MAD1L1: variants seen among roughly 807,000 people sequenced by gnomAD.
MAD1L1 encodes the protein mitotic spindle assembly checkpoint protein MAD1.
MAD1L1 carries 95 observed loss-of-function variants against 96.9 expected under a neutral mutation model. The ratio of observed to expected loss-of-function variants is 0.98; its 90% CI spans 0.83 to 1.16. The LOEUF (loss-of-function observed/expected upper bound fraction) is 1.16, where lower values mean the gene tolerates loss of function less well. Among genes scored for constraint, MAD1L1 ranks in the 50% most tolerant of loss-of-function variants. MAD1L1 has a pLI of 0.00. For synonymous variants in MAD1L1, 473 were observed against 396.6 expected (o/e 1.19, Z -2.29); for missense variants, 1,007 against 954.4 (o/e 1.06, Z -0.73).
intron 11 of MAD1L1, among the ~76,000 whole-genome samples, chr7:2,130,979 C>T (rs185429884): frequency 2.0e-4 from 31 of 152,304 alleles, no homozygotes; most frequent in African/African-American, 7.0e-4. Flanking sequence ...ATGAATGATC[C>T]GGAACTTCCA....
In MAD1L1 at chr7:2,172,446, C is replaced by T. The variant is rs574755206; in HGVS notation, c.987-23208G>A. ...GCAGCAGGAAGTCACGGTGCCGCTG[C>T]GAAAGGCCCCGGGTCTCCAGAGAAC... On this transcript the variant is annotated intron_variant, in intron 10 of 18. Coordinates refer to ENST00000265854, the MANE Select transcript of MAD1L1 (RefSeq NM_001013836.2). Among the ~76,000 whole-genome samples the T allele has an allele frequency of 8.6e-4, 131 of 152,308 alleles. 1 individual carries two copies. The highest frequency in any genetic ancestry group is 2.9e-3 in the African/African-American group (121 of 41,566).
chr7:1,874,700 G>A (rs897813236), intron 18 of MAD1L1, among the ~76,000 whole-genome samples: 2 of 152,238 alleles, frequency 1.3e-5, no homozygotes, highest in East Asian at 1.9e-4. Flanking sequence ...CTCGATTGGG[G>A]CCTTGTGTGG....
chr7:2,168,624 A>C (rs936056656), intron 10 of MAD1L1, among the ~76,000 whole-genome samples: 4 of 152,246 alleles, frequency 2.6e-5, no homozygotes, highest in African/African-American at 7.2e-5. Context: ...TCCTTCAGCA[A>C]ACAAAAATCG....
intron 18 of MAD1L1, among the ~76,000 whole-genome samples, chr7:1,828,164 C>G (rs1583487244): frequency 6.6e-6 from 1 of 152,118 alleles, no homozygotes; most frequent in Non-Finnish European, 1.5e-5. Flanking sequence ...CCGGCCGAGA[C>G]AGAGCCACAA....
At chr7:1,994,025 G>A (rs1457480946) in intron 14 of MAD1L1, among the ~76,000 whole-genome samples, 1 of 152,262 alleles carries the variant, frequency 6.6e-6, no homozygotes, top group Non-Finnish European at 1.5e-5. Flanking sequence ...GAACCCTGGA[G>A]CACTCTCCAC....
chr7:1,958,084 G>C (rs1220044058), intron 15 of MAD1L1, among the ~76,000 whole-genome samples: 1 of 152,224 alleles, frequency 6.6e-6, no homozygotes. Flanking sequence ...ATGGCGGAGT[G>C]CAGGGGACAC....
intron 11 of MAD1L1, among the ~76,000 whole-genome samples, chr7:2,110,742 T>A (rs55675295): frequency 0.027 from 4,129 of 152,316 alleles, 97 homozygotes; most frequent in South Asian, 0.09. Flanking sequence ...TAATAAAAGC[T>A]ACTTCTATAC....
In MAD1L1 at chr7:2,172,792, G is replaced by T. The variant is rs1179203236; in HGVS notation, c.987-23554C>A. Among the ~76,000 whole-genome samples, 6 of 152,350 alleles carry T rather than the reference G, an allele frequency of 3.9e-5. No individual in the cohort carries two copies. The East Asian group carries it at 1.2e-3, about 29-fold the overall frequency. On this transcript the variant is annotated intron_variant, in intron 10 of 18. Transcript: ENST00000265854. Reference sequence around the variant, plus strand: ...CAGTCCCATCCCAGCCCTGCTGGCTGCCAGGTCAAGGCTGGAGCCCCAGAT... The same window carrying T: ...CAGTCCCATCCCAGCCCTGCTGGCTTCCAGGTCAAGGCTGGAGCCCCAGAT...
intron 10 of MAD1L1, among the ~76,000 whole-genome samples, chr7:2,173,582 G>A (rs185941675): frequency 6.6e-5 from 10 of 152,238 alleles, no homozygotes; most frequent in East Asian, 3.9e-4. Flanking sequence ...ACCCGGCATC[G>A]GGCTGCCTGG....
rs973785670 is a variant in MAD1L1 at position 1,968,817 on chromosome 7, G to A, written c.1506-11098C>T. On this transcript the variant is annotated intron_variant, in intron 15 of 18. Transcript: ENST00000265854. This position sits in a 1 kb window ranked among gnomAD's most constrained non-coding sequence, Gnocchi z 5.6. ...TAAACATACTGAGGTCAGGAGAAGCGAGGAAAGACAAAACTGTCACCGACC... is the reference window on the plus strand; with the variant it reads ...TAAACATACTGAGGTCAGGAGAAGCAAGGAAAGACAAAACTGTCACCGACC... 8.5e-5 allele frequency among the ~76,000 whole-genome samples: 13 copies of A among 152,242 alleles called. No homozygotes were observed. Among genetic ancestry groups the A allele is most frequent in the African/African-American group, 1.7e-4 (7 of 41,464 alleles).
chr7:1,890,186 C>G (rs375617290), intron 18 of MAD1L1, among the ~76,000 whole-genome samples: 14 of 152,352 alleles, frequency 9.2e-5, no homozygotes, highest in African/African-American at 3.4e-4. Context: ...CACCCCAGGA[C>G]CACGTGTTCT....
At position 2,100,165 on chromosome 7, in the gene MAD1L1, C is replaced by T. The variant is rs146564348; in HGVS notation, c.1074-30827G>A. ...GAGACAGGTGCACACTGCTTTACGA[C>T]GGCCAGCGCAGTCAGCTGCAAGTAC... On this transcript the variant is annotated intron_variant, in intron 11 of 18. Transcript: ENST00000265854. Among the ~76,000 whole-genome samples, 496 of 152,336 alleles carry T rather than the reference C, an allele frequency of 3.3e-3. 5 individuals are homozygous for T. The highest frequency in any genetic ancestry group is 0.011 in the African/African-American group (474 of 41,576).
intron 16 of MAD1L1, among the ~76,000 whole-genome samples, chr7:1,940,741 A>G (rs1210604408): frequency 6.6e-6 from 1 of 152,206 alleles, no homozygotes; most frequent in Non-Finnish European, 1.5e-5. Context: ...CACGAATCTG[A>G]ATTTCAGATA....
intron 12 of MAD1L1, among the ~76,000 whole-genome samples, chr7:2,046,267 A>G (rs1256481755): frequency 3.3e-5 from 5 of 152,176 alleles, no homozygotes. Context: ...GCTGGACGGC[A>G]GCGCAGGCAA....
At position 2,049,171 on chromosome 7, in the gene MAD1L1, A is replaced by G. The variant is rs182571106; in HGVS notation, c.1218+20023T>C. Among the ~76,000 whole-genome samples, 13 of 152,350 alleles carry G rather than the reference A, an allele frequency of 8.5e-5. No individual in the cohort carries two copies. In the East Asian group the frequency reaches 2.3e-3, roughly 27 times the overall value. ...GCGTGCATGCTTCATTCTTCCAGAG[A>G]GGAAGCAAAGGCAAAGAGAGGGAAA... On this transcript the variant is annotated intron_variant, in intron 12 of 18. Transcript: ENST00000265854.
chr7:2,188,714 TA>T (rs1191722852), intron 10 of MAD1L1, among the ~76,000 whole-genome samples: 2 of 151,932 alleles, frequency 1.3e-5, no homozygotes, highest in East Asian at 3.9e-4. Context: ...ATGTAAGACC[TA>T]AAACTATAAA....
At chr7:2,025,676 A>G (rs1315729266) in intron 12 of MAD1L1, among the ~76,000 whole-genome samples, 1 of 152,260 alleles carries the variant, frequency 6.6e-6, no homozygotes, top group Non-Finnish European at 1.5e-5. Context: ...GTATCTTTTC[A>G]AACACGTAAG....
Position 1,895,749 on chromosome 7 carries a change from C to T in MAD1L1, c.1998+2451G>A, listed in dbSNP as rs774505250. Among the ~76,000 whole-genome samples the T allele has an allele frequency of 6.6e-5, 10 of 152,208 alleles. No individual in the cohort carries two copies. The East Asian group carries it at 1.3e-3, about 21-fold the overall frequency. ...AGTGGACCGTCTGTCCTTCCGGAGG[C>T]GGCTGCCTCAGCTCCATGGCTTCTG... On this transcript the variant is annotated intron_variant, in intron 18 of 18. Coordinates refer to ENST00000265854, the MANE Select transcript of MAD1L1 (RefSeq NM_001013836.2).
intron 15 of MAD1L1, among the ~76,000 whole-genome samples, chr7:1,960,935 T>C (rs1004797553): frequency 2.6e-5 from 4 of 152,230 alleles, no homozygotes; most frequent in Non-Finnish European, 4.4e-5. Context: ...ATTCTAACTA[T>C]GTTATAGGAC....
Sources: gnomAD v4.1 joint callset for allele counts (sites outside exome capture counted in the v4.1 genomes callset) on GRCh38, gnomAD v4.1.1 for gene constraint, Gnocchi (gnomAD v3.1) non-coding constraint, MANE v1.5 for transcripts, NCBI Gene and HGNC (gene_info 2026-07-23, HGNC 2026-07-21) for gene names.